Variants in CHSY1 observed in about 807,000 individuals in gnomAD.
The protein encoded by CHSY1 is N-acetylgalactosaminyl-proteoglycan 3-beta-glucuronosyltransferase 1.
CHSY1 carries 13 observed loss-of-function variants against 59.8 expected under a neutral mutation model. The ratio of observed to expected loss-of-function variants is 0.22; its 90% CI spans 0.14 to 0.35. CHSY1 has a LOEUF of 0.35. Ranked by LOEUF, CHSY1 falls within the 10% of genes least tolerant of loss-of-function variation. The pLI is 1.00. For synonymous variants in CHSY1, 459 were observed against 401.2 expected (o/e 1.14, Z -1.72); for missense variants, 947 against 1,030.6 (o/e 0.92, Z 1.11).
intron 2 of CHSY1, among the ~76,000 whole-genome samples, chr15:101,225,499 G>A (rs779325733): frequency 6.6e-6 from 1 of 152,184 alleles, no homozygotes; most frequent in Non-Finnish European, 1.5e-5. Flanking sequence ...GTCCTGGTGG[G>A]AGGAACTGGA....
At chr15:101,237,500 G>A (rs2038958023) in intron 1 of CHSY1, among the ~76,000 whole-genome samples, 3 of 152,174 alleles carry the variant, frequency 2.0e-5, no homozygotes, top group Non-Finnish European at 1.5e-5. Context: ...GAGGGAAGAT[G>A]AGTGGTCAAT....
intron 2 of CHSY1, among the ~76,000 whole-genome samples, chr15:101,205,345 GA>G (rs1382862451): frequency 6.6e-6 from 1 of 152,056 alleles, no homozygotes; most frequent in Non-Finnish European, 1.5e-5. Context: ...TGATTCAGAG[GA>G]AAGAAACTAG....
At chr15:101,237,560 A>G (rs1052157252) in intron 1 of CHSY1, among the ~76,000 whole-genome samples, 2 of 152,126 alleles carry the variant, frequency 1.3e-5, no homozygotes, top group African/African-American at 4.8e-5. Context: ...GCCCGTCGAC[A>G]GAGGGAAGAT....
At chr15:101,240,079 G>A (rs1411300795) in intron 1 of CHSY1, among the ~76,000 whole-genome samples, 1 of 152,124 alleles carries the variant, frequency 6.6e-6, no homozygotes, top group Non-Finnish European at 1.5e-5. Flanking sequence ...TCCTTTTTAG[G>A]TAACTCAGGG....
chr15:101,189,378 G>A (rs1040193565), intron 2 of CHSY1: 15 of 899,786 alleles, frequency 1.7e-5, no homozygotes, highest in Non-Finnish European at 2.0e-5. Flanking sequence ...TAGTCTAGGG[G>A]ACTGCCAAAG....
rs573899498 is a variant in CHSY1 at position 101,210,959 on chromosome 15, A to C, written c.816+24123T>G. 2.0e-5 allele frequency among the ~76,000 whole-genome samples: 3 copies of C among 152,360 alleles called. No individual in the cohort carries two copies. The South Asian group carries it at 6.2e-4, about 32-fold the overall frequency. ...AGATGATAAGATGTAGAAGTTTAGC[A>C]GACAATATTAAACTATTAAAAATAT... On this transcript the variant is annotated intron_variant, in intron 2 of 2. Coordinates refer to ENST00000254190, the MANE Select transcript of CHSY1 (RefSeq NM_014918.5).
Position 101,178,004 on chromosome 15 carries a change from T to A in CHSY1, c.1793A>T (p.Asp598Val), listed in dbSNP as rs147303935. ...TCCAGACACAGGCAAAATCTGCATGTCGGCTTTAGGGTACTTAATGCGGTA... is the reference window on the plus strand; with the variant it reads ...TCCAGACACAGGCAAAATCTGCATGACGGCTTTAGGGTACTTAATGCGGTA... ...RDYRIKYPKA[D>V]MQILPVSGEF... The change falls in exon 3 of 3, where the codon GAC becomes GTC. Residue 598 changes from aspartate to valine, a missense_variant. Physicochemically the swap from Asp to Val is radical, Grantham distance 152. This residue lies in a region of CHSY1 where 602 missense variants were observed against 676.9 expected (regional missense o/e 0.89). Transcript: ENST00000254190. 170 of 1,614,200 alleles carry A rather than the reference T, an allele frequency of 1.1e-4. No individual in the cohort carries two copies. Among genetic ancestry groups the A allele is most frequent in the Non-Finnish European group, 1.0e-5 (12 of 1,180,046 alleles).
In CHSY1 at chr15:101,251,479, G is replaced by GGCCGCCACCGCCGCCGCCGCCGCC; in HGVS notation, c.-24_-23insGGCGGCGGCGGCGGCGGTGGCGGC. 1.4e-6 allele frequency: 1 copy of GGCCGCCACCGCCGCCGCCGCCGCC among 703,414 alleles called. No homozygotes were observed. The highest frequency in any genetic ancestry group is 1.7e-6 in the Non-Finnish European group (1 of 577,170). 43.6% of individuals were successfully genotyped at this position (703,414 alleles called of 1,614,324 possible). Reference sequence around the variant, plus strand: ...CATGCCCGCGCCGCTCCGCCCGCCGGGCCGCCGCCGCAGGCTCCGCGCGCC... The same window carrying GGCCGCCACCGCCGCCGCCGCCGCC: ...CATGCCCGCGCCGCTCCGCCCGCCGGGCCGCCACCGCCGCCGCCGCCGCCGCCGCCGCCGCAGGCTCCGCGCGCC... On this transcript the variant is annotated 5_prime_UTR_variant, in exon 1 of 3. Coordinates refer to ENST00000254190, the MANE Select transcript of CHSY1 (RefSeq NM_014918.5).
chr15:101,196,790 A>G (rs546708946), intron 2 of CHSY1, among the ~76,000 whole-genome samples: 2 of 152,328 alleles, frequency 1.3e-5, no homozygotes, highest in African/African-American at 4.8e-5. Flanking sequence ...TTGGGAGGTC[A>G]AGGCAAGGGA....
chr15:101,239,963 T>C (rs918461764), intron 1 of CHSY1, among the ~76,000 whole-genome samples: 2 of 152,206 alleles, frequency 1.3e-5, no homozygotes, highest in Non-Finnish European at 2.9e-5. Context: ...GTCTCAACTA[T>C]GACTGAAATG....
At chr15:101,182,297 C>A (rs11630126) in intron 2 of CHSY1, among the ~76,000 whole-genome samples, 15,330 of 152,254 alleles carry the variant, frequency 0.1, 1,090 homozygotes, top group Middle Eastern at 0.19. Context: ...TCGCTTTTGA[C>A]TGCAATATGC....
intron 2 of CHSY1, among the ~76,000 whole-genome samples, chr15:101,196,421 C>T (rs774088102): frequency 6.6e-6 from 1 of 152,042 alleles, no homozygotes; most frequent in Admixed American, 6.6e-5. Context: ...AGGTTTACGG[C>T]ATAACCCATG....
intron 1 of CHSY1, among the ~76,000 whole-genome samples, chr15:101,238,457 C>T (rs2038969144): frequency 6.6e-6 from 1 of 152,222 alleles, no homozygotes; most frequent in Non-Finnish European, 1.5e-5. Flanking sequence ...TTTCTGCCAA[C>T]ACGCCTCTCA....
intron 2 of CHSY1, among the ~76,000 whole-genome samples, chr15:101,230,044 T>G (rs530343901): frequency 1.7e-4 from 26 of 150,864 alleles, no homozygotes; most frequent in African/African-American, 6.3e-4. Context: ...CAGGTTCAAG[T>G]GATTCTCCTG....
chr15:101,250,076 G>A (rs11636524), intron 1 of CHSY1, among the ~76,000 whole-genome samples: 14,305 of 152,254 alleles, frequency 0.094, 942 homozygotes, highest in Middle Eastern at 0.18. Context: ...GACCAAGACT[G>A]CATTTAAAAA....
chr15:101,196,898 T>C (rs765844023), intron 2 of CHSY1, among the ~76,000 whole-genome samples: 12 of 152,206 alleles, frequency 7.9e-5, no homozygotes, highest in Non-Finnish European at 1.5e-4. Flanking sequence ...CCCTTCAATA[T>C]ACCACATTGG....
At chr15:101,230,163 A>C (rs2038879193) in intron 2 of CHSY1, among the ~76,000 whole-genome samples, 1 of 151,942 alleles carries the variant, frequency 6.6e-6, no homozygotes, top group Non-Finnish European at 1.5e-5. Flanking sequence ...GCTGGTCTTG[A>C]ACTCCTGACC....
Position 101,177,373 on chromosome 15 carries a change from C to CA in CHSY1, c.*14dup, listed in dbSNP as rs746143969. 6.3e-7 allele frequency: 1 copy of CA among 1,593,988 alleles called. No homozygotes were observed. Among genetic ancestry groups the CA allele is most frequent in the South Asian group, 1.2e-5 (1 of 86,276 alleles). On this transcript the variant is annotated 3_prime_UTR_variant, in exon 3 of 3. Transcript: ENST00000254190. ...ATTAGATAATTAAAAACGTCTTTTC[C>CA]AGCAAAGCTGGACATTAGGCTGTCC...
intron 1 of CHSY1, among the ~76,000 whole-genome samples, chr15:101,245,474 A>G (rs1454042961): frequency 6.6e-6 from 1 of 152,194 alleles, no homozygotes; most frequent in African/African-American, 2.4e-5. Context: ...GCACCCTGAC[A>G]GCCCTCATCA....
Sources: gnomAD v4.1 joint callset for allele counts (sites outside exome capture counted in the v4.1 genomes callset) on GRCh38, gnomAD v4.1.1 for gene constraint, gnomAD v4.1.1 regional missense constraint, MANE v1.5 for transcripts, NCBI Gene and HGNC (gene_info 2026-07-23, HGNC 2026-07-21) for gene names.